The following MAPKBP1 variants were observed in gnomAD, a reference collection of about 807,000 sequenced individuals.
MAPKBP1 encodes mitogen-activated protein kinase-binding protein 1.
MAPKBP1 carries 71 observed loss-of-function variants against 170.5 expected under a neutral mutation model. The ratio of observed to expected loss-of-function variants is 0.42; its 90% confidence interval spans 0.34 to 0.51. MAPKBP1 has a LOEUF of 0.51. MAPKBP1 is among the 20% of genes least tolerant of loss of function. MAPKBP1 has a pLI of 0.06. For missense variants in MAPKBP1, 1,598 were observed against 1,933.0 expected, an observed-to-expected ratio of 0.83 and a Z score of 3.25; for synonymous variants, 719 against 757.9, an observed-to-expected ratio of 0.95 and a Z score of 0.84.
intron 2 of MAPKBP1, among the ~76,000 whole-genome samples, chr15:41,790,037 T>C (rs949759540): frequency 6.6e-6 from 1 of 152,196 alleles, no homozygotes. Context: ...ATGTGTAAAA[T>C]GGAGATAATA....
intron 2 of MAPKBP1, among the ~76,000 whole-genome samples, chr15:41,794,188 C>T (rs1297625176): frequency 6.6e-6 from 1 of 152,066 alleles, no homozygotes; most frequent in African/African-American, 2.4e-5. Context: ...GCTGAGATCA[C>T]CCCACTGCAC....
In MAPKBP1 at chr15:41,792,367, G is replaced by A. The variant is rs188710803; in HGVS notation, c.115-7456G>A. ...TCAAGCCCTCCCTCACATTATACTTGTAGTAATTCTGCCTCCAGTAGCCTT... is the reference window on the plus strand; with the variant it reads ...TCAAGCCCTCCCTCACATTATACTTATAGTAATTCTGCCTCCAGTAGCCTT... On this transcript the variant is annotated intron_variant, in intron 2 of 30. Coordinates refer to ENST00000457542, the MANE Select transcript of MAPKBP1 (RefSeq NM_014994.3). Among the ~76,000 whole-genome samples the A allele has an allele frequency of 5.3e-5, 8 of 152,080 alleles. No individual in the cohort carries two copies. The East Asian group carries it at 1.4e-3, about 26-fold the overall frequency.
Position 41,812,147 on chromosome 15 carries a change from G to A in MAPKBP1, c.498+20G>A, listed in dbSNP as rs2064817765. The A allele has an allele frequency of 1.2e-6, 2 of 1,613,660 alleles. No homozygotes were observed. Among genetic ancestry groups the A allele is most frequent in the South Asian group, 1.1e-5 (1 of 91,026 alleles). ...TGGAAGGTGAGTGGCTGGGTGGGGTGGCCTGGCAGCCTCACAGGGGTCAAG... is the reference window on the plus strand; with the variant it reads ...TGGAAGGTGAGTGGCTGGGTGGGGTAGCCTGGCAGCCTCACAGGGGTCAAG... On this transcript the variant is annotated intron_variant, in intron 6 of 30. Transcript: ENST00000457542.
Position 41,825,234 on chromosome 15 carries a change from C to T in MAPKBP1, c.4325C>T (p.Ala1442Val), listed in dbSNP as rs148448203. Reference sequence around the variant, plus strand: ...GTGGCTGGCTGCAAGATGCCCTCAGCAGAGCAAAGTCGGATTGCCCAGCTC... The same window carrying T: ...GTGGCTGGCTGCAAGATGCCCTCAGTAGAGCAAAGTCGGATTGCCCAGCTC... ...HSVAGCKMPSAEQSRIAQLLR... is the reference protein window; with the variant it reads ...HSVAGCKMPSVEQSRIAQLLR... The change falls in exon 31 of 31, where the codon GCA becomes GTA. Residue 1442 changes from alanine to valine, a missense_variant. Coordinates refer to ENST00000457542, the MANE Select transcript of MAPKBP1 (RefSeq NM_014994.3). 8.6e-5 allele frequency: 138 copies of T among 1,596,336 alleles called. No homozygotes were observed. Among genetic ancestry groups the T allele is most frequent in the Non-Finnish European group, 1.1e-4 (128 of 1,166,596 alleles).
At chr15:41,780,478 C>T (rs976161617) in intron 2 of MAPKBP1, among the ~76,000 whole-genome samples, 2 of 152,198 alleles carry the variant, frequency 1.3e-5, no homozygotes, top group African/African-American at 4.8e-5. Context: ...CCCACTCATC[C>T]TCAGAGTATC....
intron 7 of MAPKBP1, 68 bp downstream of exon 7, chr15:41,812,721 ACT>A (rs1444158890): frequency 9.2e-6 from 14 of 1,519,506 alleles, no homozygotes; most frequent in Non-Finnish European, 9.7e-6. Flanking sequence ...AACCCAGGAG[ACT>A]CTGCCCCACT....
chr15:41,795,680 C>T (rs1783375837), intron 2 of MAPKBP1, among the ~76,000 whole-genome samples: 1 of 152,148 alleles, frequency 6.6e-6, no homozygotes, highest in African/African-American at 2.4e-5. Context: ...AATCTCGGTT[C>T]ACTGTAAGCT....
chr15:41,793,498 G>C (rs1267398833), intron 2 of MAPKBP1, among the ~76,000 whole-genome samples: 1 of 152,124 alleles, frequency 6.6e-6, no homozygotes, highest in Non-Finnish European at 1.5e-5. Context: ...AATAAAAAAA[G>C]AATGTTAATA....
Position 41,819,230 on chromosome 15 carries a change from C to A in MAPKBP1, c.2292-16C>A, listed in dbSNP as rs2064944618. On this transcript the variant is annotated splice_polypyrimidine_tract_variant and intron_variant, in intron 20 of 30. Transcript: ENST00000457542. ...TGAGTCTCCTCTCCCCATGCCCTTCCTTGTCTCGGACTCAGGCACCAGGCC... is the reference window on the plus strand; with the variant it reads ...TGAGTCTCCTCTCCCCATGCCCTTCATTGTCTCGGACTCAGGCACCAGGCC... The A allele has an allele frequency of 6.2e-7, 1 of 1,612,604 alleles. No individual in the cohort carries two copies. Among genetic ancestry groups the A allele is most frequent in the Non-Finnish European group, 8.5e-7 (1 of 1,178,762 alleles).
rs762955963 is a variant in MAPKBP1, at chr15:41,822,185, T to A, written c.3032-40T>A. 4 of 1,604,634 alleles carry A rather than the reference T, an allele frequency of 2.5e-6. No individual in the cohort carries two copies. In the South Asian group the frequency reaches 3.3e-5, roughly 13 times the overall value. On this transcript the variant is annotated intron_variant, in intron 25 of 30. Transcript: ENST00000457542. ...TGGGTGGGGAGGCTCTGGCAACAGA[T>A]GGGTGCAGTGCGATGCCTCTCTCCC...
Position 41,817,972 on chromosome 15 carries a change from C to G in MAPKBP1, c.1905-37C>G, listed in dbSNP as rs1348978820. 1 of 1,599,978 alleles carries G rather than the reference C, an allele frequency of 6.3e-7. No individual in the cohort carries two copies. The highest frequency in any genetic ancestry group is 1.1e-5 in the South Asian group (1 of 90,718). ...ATCCCCCAGGCGTGTTCCACCTTCA[C>G]CGCCTCCTCATGAGAAAGAGACTAT... On this transcript the variant is annotated intron_variant, in intron 16 of 30. Coordinates refer to ENST00000457542, the MANE Select transcript of MAPKBP1 (RefSeq NM_014994.3). The surrounding 1 kb of genome is among the most constrained non-coding windows in gnomAD (Gnocchi z 4.2).
chr15:41,824,095 C>T (rs780918679), intron 29 of MAPKBP1, 34 bp downstream of exon 29: 18 of 1,562,042 alleles, frequency 1.2e-5, no homozygotes, highest in Middle Eastern at 1.7e-4. Context: ...ATCTCCTGCC[C>T]CATCCTTACT....
intron 2 of MAPKBP1, among the ~76,000 whole-genome samples, chr15:41,797,025 G>C (rs2064503203): frequency 6.6e-6 from 1 of 152,120 alleles, no homozygotes; most frequent in South Asian, 2.1e-4. Context: ...CTATATACTG[G>C]CTCATGATAT....
At chr15:41,821,154 C>A in intron 23 of MAPKBP1, 86 bp downstream of exon 23, 3 of 1,259,070 alleles carry the variant, frequency 2.4e-6, no homozygotes, top group Admixed American at 1.7e-5. Flanking sequence ...AGCACTGGTC[C>A]AGCTATGCTT....
At chr15:41,809,367 A>G (rs749030026) in intron 3 of MAPKBP1, among the ~76,000 whole-genome samples, 10 of 152,192 alleles carry the variant, frequency 6.6e-5, no homozygotes, top group Non-Finnish European at 1.2e-4. Context: ...AGTTCTGGGC[A>G]TATCTAGTCA....
chr15:41,817,089 T>A lies in MAPKBP1; in HGVS notation c.1711+54T>A, dbSNP rs1247543014. On this transcript the variant is annotated intron_variant, in intron 14 of 30. Transcript: ENST00000457542. The surrounding 1 kb of genome is among the most constrained non-coding windows in gnomAD (Gnocchi z 4.2). Reference sequence around the variant, plus strand: ...TGCCACTCTCACCCCTGCTGCCATCTGCCTCCCACCTCCATGAGAAGGGTC... The same window carrying A: ...TGCCACTCTCACCCCTGCTGCCATCAGCCTCCCACCTCCATGAGAAGGGTC... The A allele has an allele frequency of 9.8e-6, 15 of 1,534,534 alleles. No homozygotes were observed. Among genetic ancestry groups the A allele is most frequent in the Non-Finnish European group, 1.2e-5 (14 of 1,137,848 alleles).
intron 28 of MAPKBP1, 99 bp from the exon 29 acceptor site, chr15:41,823,348 G>A: frequency 1.3e-6 from 2 of 1,545,090 alleles, no homozygotes; most frequent in Non-Finnish European, 1.7e-6. Context: ...TCCCTTAATG[G>A]GCATGTGGAG....
chr15:41,794,265 TC>T (rs1429907629), intron 2 of MAPKBP1, among the ~76,000 whole-genome samples: 1 of 151,948 alleles, frequency 6.6e-6, no homozygotes, highest in Non-Finnish European at 1.5e-5. Context: ...ATGTTTGAGT[TC>T]TTCATACTCT....
At chr15:41,816,881 A>T in intron 13 of MAPKBP1, 29 bp from the exon 14 acceptor site, 1 of 1,583,892 alleles carries the variant, frequency 6.3e-7, no homozygotes, top group Non-Finnish European at 8.6e-7. Context: ...CAGGGCACTC[A>T]TGGGCTGATG....
Sources: allele counts gnomAD v4.1 joint callset (sites outside exome capture counted in the v4.1 genomes callset), GRCh38; gene constraint gnomAD v4.1.1; non-coding constraint Gnocchi (gnomAD v3.1); transcripts MANE v1.5; gene names NCBI Gene and HGNC (gene_info 2026-07-23, HGNC 2026-07-21).